Variants in ZCWPW2 observed in about 807,000 individuals in gnomAD.
ZCWPW2 encodes the protein zinc finger CW-type and PWWP domain containing 2.
In ZCWPW2, 45 loss-of-function variants were observed where a neutral mutation model predicts 46.6. The ratio of observed to expected loss-of-function variants is 0.96; its 90% confidence interval spans 0.76 to 1.24. The LOEUF (loss-of-function observed/expected upper bound fraction) is 1.24, where lower values mean the gene tolerates loss of function less well. Ranked by LOEUF, ZCWPW2 falls within the 50% of genes most tolerant of loss-of-function variation. ZCWPW2 has a pLI of 0.00. For missense variants in ZCWPW2, 429 were observed against 403.9 expected, an observed-to-expected ratio of 1.06 and a Z score of -0.53; for synonymous variants, 152 against 137.1, an observed-to-expected ratio of 1.11 and a Z score of -0.76.
chr3:28,393,940 G>C (rs1181020353), intron 2 of ZCWPW2, among the ~76,000 whole-genome samples: 1 of 151,978 alleles, frequency 6.6e-6, no homozygotes, highest in Non-Finnish European at 1.5e-5. Flanking sequence ...GAGCAATTAG[G>C]CAACTAAAAG....
At chr3:28,395,380 A>G (rs2125722067) in intron 2 of ZCWPW2, among the ~76,000 whole-genome samples, 1 of 152,292 alleles carries the variant, frequency 6.6e-6, no homozygotes, top group African/African-American at 2.4e-5. Context: ...TAAAACTACC[A>G]TGTATTCCAG....
At chr3:28,515,899 T>A (rs1700553576) in intron 8 of ZCWPW2, among the ~76,000 whole-genome samples, 1 of 152,142 alleles carries the variant, frequency 6.6e-6, no homozygotes, top group Non-Finnish European at 1.5e-5. Context: ...AGGTTTCTAT[T>A]TCCTTGAATT....
intron 1 of ZCWPW2, among the ~76,000 whole-genome samples, chr3:28,381,719 G>A (rs1316465147): frequency 3.9e-5 from 6 of 152,198 alleles, no homozygotes; most frequent in East Asian, 1.9e-4. Context: ...CCAGGAGTTC[G>A]AGGCTGCAGT....
At chr3:28,509,472 A>C (rs945392452) in intron 6 of ZCWPW2, among the ~76,000 whole-genome samples, 4 of 152,130 alleles carry the variant, frequency 2.6e-5, no homozygotes, top group Non-Finnish European at 5.9e-5. Flanking sequence ...CCATTTCTTC[A>C]CATCCCTGTG....
rs927752628 is a variant in ZCWPW2 at position 28,386,099 on chromosome 3, A to G, written c.-133-4399A>G. ...GAATGTTTGAGTCTCCCCTAAATAC[A>G]AATGTTGAAACTCTGACCTCCAGTA... On this transcript the variant is annotated intron_variant, in intron 1 of 9. Coordinates refer to ENST00000383768, the MANE Select transcript of ZCWPW2 (RefSeq NM_001040432.4). Among the ~76,000 whole-genome samples, 29 of 152,252 alleles carry G rather than the reference A, an allele frequency of 1.9e-4. No homozygotes were observed. In the East Asian group the frequency reaches 5.4e-3, roughly 28 times the overall value.
intron 1 of ZCWPW2, among the ~76,000 whole-genome samples, chr3:28,386,132 A>G (rs1190612324): frequency 6.6e-6 from 1 of 152,124 alleles, no homozygotes; most frequent in East Asian, 1.9e-4. Context: ...GTATGGCTAA[A>G]TTTGGGGTGG....
intron 1 of ZCWPW2, among the ~76,000 whole-genome samples, chr3:28,373,717 C>T (rs986667501): frequency 6.6e-6 from 1 of 152,090 alleles, no homozygotes; most frequent in Non-Finnish European, 1.5e-5. Context: ...CTCAGGTGAT[C>T]CACCCTTTCA....
At chr3:28,368,249 T>G (rs1055805169) in intron 1 of ZCWPW2, among the ~76,000 whole-genome samples, 11 of 152,296 alleles carry the variant, frequency 7.2e-5, no homozygotes, top group African/African-American at 2.6e-4. Context: ...CTCGATGGTC[T>G]TTACAATTTG....
chr3:28,518,060 T>TGGGGGTTGTGGTGAGCCAA (rs1700621321), intron 8 of ZCWPW2, among the ~76,000 whole-genome samples: 1 of 147,798 alleles, frequency 6.8e-6, no homozygotes, highest in Non-Finnish European at 1.5e-5. Context: ...TTCTTGAACC[T>TGGGGGTTGTGGTGAGCCAA]GGGAGGTGGG....
intron 9 of ZCWPW2, among the ~76,000 whole-genome samples, chr3:28,521,550 C>T (rs562193112): frequency 5.0e-4 from 76 of 152,256 alleles, no homozygotes; most frequent in South Asian, 6.2e-4. Context: ...CATTAACATA[C>T]GGGAAGTAGA....
At chr3:28,431,789 T>C (rs1294273179) in intron 3 of ZCWPW2, among the ~76,000 whole-genome samples, 1 of 152,232 alleles carries the variant, frequency 6.6e-6, no homozygotes. Context: ...TTGGTGCCTG[T>C]ATTAGTTTGT....
intron 4 of ZCWPW2, among the ~76,000 whole-genome samples, chr3:28,474,094 T>C (rs1388235755): frequency 1.3e-5 from 2 of 152,186 alleles, no homozygotes; most frequent in African/African-American, 4.8e-5. Flanking sequence ...GATCTAATTA[T>C]TACACATTAC....
At chr3:28,484,973 T>G (rs1048690863) in intron 5 of ZCWPW2, among the ~76,000 whole-genome samples, 1 of 152,172 alleles carries the variant, frequency 6.6e-6, no homozygotes, top group Admixed American at 6.5e-5. Flanking sequence ...TCTTCTAGTT[T>G]CCAAAGTAAA....
Position 28,349,015 on chromosome 3 carries a change from G to C in ZCWPW2, c.-322G>C, listed in dbSNP as rs938649048. 1.0e-6 allele frequency: 1 copy of C among 986,030 alleles called. No homozygotes were observed. Among genetic ancestry groups the C allele is most frequent in the Non-Finnish European group, 1.2e-6 (1 of 830,434 alleles). 61.1% of individuals were successfully genotyped at this position (986,030 alleles called of 1,614,324 possible). ...GGCTGCCGCTGTCCGCGGGCTCGGC[G>C]CCAGGGACGCGCGAGGAAACCGGAA... On this transcript the variant is annotated 5_prime_UTR_variant, in exon 1 of 10. Coordinates refer to ENST00000383768, the MANE Select transcript of ZCWPW2 (RefSeq NM_001040432.4).
intron 1 of ZCWPW2, among the ~76,000 whole-genome samples, chr3:28,380,934 GTATATATATATATATATATATATA>G (rs578178124): frequency 1.5e-4 from 2 of 13,436 alleles, no homozygotes; most frequent in East Asian, 4.8e-3. Context: ...TATATATTTG[GTATATATATATATATATATATATA>G]TATATATATA....
At chr3:28,468,247 AG>A (rs1211883188) in intron 4 of ZCWPW2, among the ~76,000 whole-genome samples, 1 of 152,096 alleles carries the variant, frequency 6.6e-6, no homozygotes, top group Non-Finnish European at 1.5e-5. Flanking sequence ...GCTTGAAGAC[AG>A]GCTATTTGAA....
intron 4 of ZCWPW2, among the ~76,000 whole-genome samples, chr3:28,454,989 G>C (rs1451384664): frequency 6.6e-6 from 1 of 152,004 alleles, no homozygotes; most frequent in Non-Finnish European, 1.5e-5. Context: ...TATTCCTTTG[G>C]GTCTATACCT....
In ZCWPW2 at chr3:28,413,164, A is replaced by G; in HGVS notation, c.96A>G (p.Gln32=). The G allele has an allele frequency of 6.2e-7, 1 of 1,613,340 alleles. No individual in the cohort carries two copies. Among genetic ancestry groups the G allele is most frequent in the South Asian group, 1.1e-5 (1 of 91,074 alleles). The stretch of plus-strand genomic sequence containing the variant: ...TGTATGTAAACAAAGTGTGGGTTCA[A>G]TGTGAGAATGAAAATTGTTTGAAAT... ...ENMYVNKVWV[Q]CENENCLKWR... Residue 32 remains glutamine (Q), a synonymous_variant, in exon 3 of 10, where the codon CAA becomes CAG. Transcript: ENST00000383768.
chr3:28,392,913 C>T (rs544684580), intron 2 of ZCWPW2, among the ~76,000 whole-genome samples: 1 of 150,218 alleles, frequency 6.7e-6, no homozygotes, highest in Admixed American at 6.6e-5. Context: ...ACAAACAGCC[C>T]AAAGTTAGCA....
Sources: gnomAD v4.1 joint callset for allele counts (sites outside exome capture counted in the v4.1 genomes callset) on GRCh38, gnomAD v4.1.1 for gene constraint, MANE v1.5 for transcripts, NCBI Gene and HGNC (gene_info 2026-07-23, HGNC 2026-07-21) for gene names.